The following MGST1 variants were observed in gnomAD, a reference collection of about 807,000 sequenced individuals.
The protein encoded by MGST1 is microsomal glutathione S-transferase 1, also known as glutathione S-transferase 12.
MGST1 carries 5 observed loss-of-function variants against 8.9 expected under a neutral mutation model. That is an observed-to-expected ratio of 0.56 (90% confidence interval 0.29 to 1.19). MGST1 has a LOEUF of 1.19. Among genes scored for constraint, MGST1 ranks in the 50% most tolerant of loss-of-function variants. The pLI is 0.08. For missense variants in MGST1, 182 were observed against 187.4 expected (o/e 0.97, Z 0.17); for synonymous variants, 54 against 67.8 (o/e 0.80, Z 1.00).
chr12:16,524,315 C>CT (rs1197251837), intron 4 of MGST1, among the ~76,000 whole-genome samples: 1 of 151,864 alleles, frequency 6.6e-6, no homozygotes, highest in East Asian at 1.9e-4. Context: ...TGGTTCAGAA[C>CT]TTTTTTGTTA....
chr12:16,384,283 C>T (rs151074891), intron 1 of MGST1, among the ~76,000 whole-genome samples: 155 of 152,122 alleles, frequency 1.0e-3, no homozygotes, highest in Non-Finnish European at 1.9e-3. Context: ...ATAAATGTGA[C>T]CTTTTGTGGA....
intron 4 of MGST1, among the ~76,000 whole-genome samples, chr12:16,449,781 C>T (rs938937291): frequency 6.6e-6 from 1 of 151,938 alleles, no homozygotes; most frequent in African/African-American, 2.4e-5. Context: ...ATCCATCTAT[C>T]CCCCCATTCT....
chr12:16,441,586 A>G (rs1416180718), downstream of MGST1, among the ~76,000 whole-genome samples: 1 of 151,862 alleles, frequency 6.6e-6, no homozygotes, highest in Non-Finnish European at 1.5e-5. Context: ...ATCGCACAGT[A>G]TGTAGCCTTT....
intron 4 of MGST1, among the ~76,000 whole-genome samples, chr12:16,493,232 G>T (rs891524798): frequency 6.6e-6 from 1 of 152,160 alleles, no homozygotes; most frequent in Non-Finnish European, 1.5e-5. Context: ...CTACTTTTAT[G>T]CCAGCCAGAC....
intron 1 of MGST1, among the ~76,000 whole-genome samples, chr12:16,406,619 C>T (rs982477429): frequency 6.6e-6 from 1 of 151,960 alleles, no homozygotes; most frequent in African/African-American, 2.4e-5. Context: ...CAATCCTAAG[C>T]AAAAAGCTGG....
downstream of MGST1, among the ~76,000 whole-genome samples, chr12:16,382,156 T>A (rs1940462575): frequency 6.6e-6 from 1 of 152,250 alleles, no homozygotes; most frequent in Non-Finnish European, 1.5e-5. Flanking sequence ...TCATTCTCTG[T>A]CCCGCTTTGT....
chr12:16,484,318 C>G (rs1045704638), intron 4 of MGST1, among the ~76,000 whole-genome samples: 1 of 152,084 alleles, frequency 6.6e-6, no homozygotes, highest in Non-Finnish European at 1.5e-5. Context: ...TCTGATTGCC[C>G]CAGGAACAGA....
intron 4 of MGST1, among the ~76,000 whole-genome samples, chr12:16,452,479 A>G (rs1381165760): frequency 6.6e-6 from 1 of 151,818 alleles, no homozygotes; most frequent in African/African-American, 2.4e-5. Context: ...ATTGCTGATA[A>G]GAACTCAAAG....
At chr12:16,557,926 A>G (rs1302718491) in intron 4 of MGST1, among the ~76,000 whole-genome samples, 1 of 152,084 alleles carries the variant, frequency 6.6e-6, no homozygotes, top group Non-Finnish European at 1.5e-5. Context: ...ACAGGGTCTC[A>G]TAAGGTCCAT....
At chr12:16,349,373 G>C (rs894139094) in intron 1 of MGST1, among the ~76,000 whole-genome samples, 3 of 152,064 alleles carry the variant, frequency 2.0e-5, no homozygotes. Flanking sequence ...ACGGGGGTTT[G>C]GGGGGAGGGG....
downstream of MGST1, among the ~76,000 whole-genome samples, chr12:16,381,206 C>T (rs1326793354): frequency 7.2e-5 from 11 of 152,186 alleles, no homozygotes; most frequent in South Asian, 1.0e-3. Flanking sequence ...TTATTTTGCT[C>T]GTTAGTTGAT....
At chr12:16,583,974 G>C (rs1423928050) in intron 4 of MGST1, among the ~76,000 whole-genome samples, 1 of 152,200 alleles carries the variant, frequency 6.6e-6, no homozygotes, top group Non-Finnish European at 1.5e-5. Flanking sequence ...ACAGTGTGGA[G>C]TTTAAGATTC....
intron 4 of MGST1, among the ~76,000 whole-genome samples, chr12:16,532,562 T>C (rs1941729473): frequency 6.6e-6 from 1 of 152,162 alleles, no homozygotes. Flanking sequence ...AACTGGAAGC[T>C]ATAAAACAGA....
At chr12:16,499,415 G>A (rs1941490865) in intron 4 of MGST1, among the ~76,000 whole-genome samples, 1 of 152,126 alleles carries the variant, frequency 6.6e-6, no homozygotes, top group South Asian at 2.1e-4. Context: ...ACTGTGTGGG[G>A]AGCTTCAGTT....
rs1940097549 is a variant in MGST1 at position 16,363,629 on chromosome 12, G to C, written c.222-166G>C. 1 of 493,686 alleles carries C rather than the reference G, an allele frequency of 2.0e-6. No individual in the cohort carries two copies. Among genetic ancestry groups the C allele is most frequent in the Non-Finnish European group, 3.3e-6 (1 of 300,430 alleles). 30.6% of individuals were successfully genotyped at this position (493,686 alleles called of 1,614,324 possible). ...AAATAATGAGAGATTCTAAATAAAA[G>C]TCAAGTGGGCAAGGAAGCAAGACAA... On this transcript the variant is annotated intron_variant, in intron 3 of 3. Coordinates refer to ENST00000396210, the MANE Select transcript of MGST1 (RefSeq NM_020300.5). This position sits in a 1 kb window ranked among gnomAD's most constrained non-coding sequence, Gnocchi z 4.6.
At chr12:16,564,050 A>C (rs1195263962) in intron 4 of MGST1, among the ~76,000 whole-genome samples, 1 of 152,224 alleles carries the variant, frequency 6.6e-6, no homozygotes, top group Non-Finnish European at 1.5e-5. Flanking sequence ...CCGGCCATAC[A>C]ATATCAGTGC....
intron 4 of MGST1, among the ~76,000 whole-genome samples, chr12:16,553,220 T>C (rs916956623): frequency 5.3e-5 from 8 of 152,108 alleles, no homozygotes; most frequent in African/African-American, 1.9e-4. Flanking sequence ...GTGCCAGAAT[T>C]TCAAAGCCCT....
intron 4 of MGST1, among the ~76,000 whole-genome samples, chr12:16,461,505 C>T (rs555922452): frequency 1.3e-5 from 2 of 152,106 alleles, no homozygotes; most frequent in South Asian, 4.2e-4. Flanking sequence ...TAAAGCATGT[C>T]AATTTATTAT....
chr12:16,352,653 C>A (rs1939522276), intron 1 of MGST1, among the ~76,000 whole-genome samples: 1 of 152,218 alleles, frequency 6.6e-6, no homozygotes, highest in African/African-American at 2.4e-5. Context: ...TGGCCTTCCT[C>A]TTCAGCACAT....
Sources: allele counts gnomAD v4.1 joint callset (sites outside exome capture counted in the v4.1 genomes callset), GRCh38; gene constraint gnomAD v4.1.1; non-coding constraint Gnocchi (gnomAD v3.1); transcripts MANE v1.5; gene names NCBI Gene and HGNC (gene_info 2026-07-23, HGNC 2026-07-21).